The following GLG1 variants were observed in gnomAD, a reference collection of about 807,000 sequenced individuals.
GLG1 encodes Golgi apparatus protein 1.
A neutral mutation model predicts 160.5 loss-of-function variants in GLG1; 38 were observed. The observed-to-expected ratio is 0.24, with a 90% CI of 0.18 to 0.31. The LOEUF (loss-of-function observed/expected upper bound fraction) is 0.31, where lower values mean the gene tolerates loss of function less well. GLG1 is among the 10% of genes least tolerant of loss of function. The pLI is 1.00. For missense variants in GLG1, 1,373 were observed against 1,505.2 expected (o/e 0.91, Z 1.45); for synonymous variants, 644 against 543.4 (o/e 1.19, Z -2.57).
intron 1 of GLG1, among the ~76,000 whole-genome samples, chr16:74,580,286 C>A (rs891097913): frequency 2.6e-5 from 4 of 151,894 alleles, no homozygotes; most frequent in Non-Finnish European, 5.9e-5. Flanking sequence ...GAGTTTGAGA[C>A]CAGCCTGAGC....
chr16:74,518,118 T>C (rs2143540437), intron 2 of GLG1, among the ~76,000 whole-genome samples: 1 of 152,250 alleles, frequency 6.6e-6, no homozygotes, highest in South Asian at 2.1e-4. Context: ...AAAATGGCCT[T>C]ACTACCCAAA....
chr16:74,603,982 G>A (rs1205977774), intron 1 of GLG1, among the ~76,000 whole-genome samples: 4 of 148,884 alleles, frequency 2.7e-5, no homozygotes, highest in East Asian at 1.9e-4. Flanking sequence ...ATCCGAGAGC[G>A]TTAAAAAAAA....
Position 74,452,066 on chromosome 16 carries a change from C to A in GLG1, c.*1101G>T. 6.2e-7 allele frequency: 1 copy of A among 1,611,864 alleles called. No homozygotes were observed. The highest frequency in any genetic ancestry group is 1.1e-5 in the South Asian group (1 of 91,048). On this transcript the variant is annotated 3_prime_UTR_variant, in exon 26 of 26. Coordinates refer to ENST00000422840, the MANE Select transcript of GLG1 (RefSeq NM_001145667.2). ...GAGTGTGCAGAAAGGTCAGGCTGGACTGCCTGTCACATCCTGAGACCACAC... is the reference window on the plus strand; with the variant it reads ...GAGTGTGCAGAAAGGTCAGGCTGGAATGCCTGTCACATCCTGAGACCACAC...
rs993277590 is a variant in GLG1 at position 74,451,024 on chromosome 16, C to T, written c.*2143G>A. ...GAGACTGCAGAGAGGAAGGATACCC[C>T]ACCCGGTCAAACAGTGAACATCCAT... is the stretch of plus-strand genomic sequence containing the variant. On this transcript the variant is annotated 3_prime_UTR_variant, in exon 26 of 26. Transcript: ENST00000422840. 1.1e-4 allele frequency: 17 copies of T among 152,324 alleles called. 2 individuals are homozygous for T. Among genetic ancestry groups the T allele is most frequent in the East Asian group, 1.9e-4 (1 of 5,184 alleles). 9.4% of individuals were successfully genotyped at this position (152,324 alleles called of 1,614,324 possible).
chr16:74,498,302 T>G (rs2016271100), intron 4 of GLG1, among the ~76,000 whole-genome samples: 1 of 148,746 alleles, frequency 6.7e-6, no homozygotes, highest in Non-Finnish European at 1.5e-5. Context: ...TGTGGTGGTG[T>G]GCACCTGTAA....
chr16:74,547,998 G>A (rs1000307527), intron 1 of GLG1, among the ~76,000 whole-genome samples: 2 of 152,206 alleles, frequency 1.3e-5, no homozygotes, highest in Non-Finnish European at 2.9e-5. Context: ...TGGCTCAGTC[G>A]CGGCTCACTG....
At chr16:74,473,207 C>T (rs925462025) in intron 13 of GLG1, among the ~76,000 whole-genome samples, 40 of 151,666 alleles carry the variant, frequency 2.6e-4, no homozygotes, top group Admixed American at 8.5e-4. Flanking sequence ...GGTTTCTAAT[C>T]CCCCTTTTTT....
At chr16:74,480,191 T>C in intron 11 of GLG1, 50 bp downstream of exon 11, 3 of 1,478,062 alleles carry the variant, frequency 2.0e-6, no homozygotes, top group Non-Finnish European at 2.8e-6. Flanking sequence ...GCAAACAATT[T>C]AAAAAACAAA....
intron 1 of GLG1, among the ~76,000 whole-genome samples, chr16:74,590,812 G>GA (rs1187395193): frequency 2.0e-4 from 22 of 109,104 alleles, no homozygotes; most frequent in Admixed American, 3.6e-4. Flanking sequence ...AAAAAAAAAA[G>GA]AAAAAAAAAA....
intron 2 of GLG1, among the ~76,000 whole-genome samples, chr16:74,512,578 A>G (rs926527566): frequency 2.6e-5 from 4 of 151,908 alleles, no homozygotes; most frequent in African/African-American, 9.7e-5. Flanking sequence ...ATCTTAAGAC[A>G]TCCATCCATG....
At chr16:74,485,178 A>G (rs540590118) in intron 9 of GLG1, among the ~76,000 whole-genome samples, 109 of 152,318 alleles carry the variant, frequency 7.2e-4, no homozygotes, top group African/African-American at 2.5e-3. Context: ...AAGCACTACA[A>G]TTACAGGCAT....
intron 1 of GLG1, among the ~76,000 whole-genome samples, chr16:74,583,695 C>T (rs948569714): frequency 1.3e-5 from 2 of 152,024 alleles, no homozygotes; most frequent in African/African-American, 4.8e-5. Flanking sequence ...TTTGACTTCT[C>T]TTCACTTGGT....
chr16:74,527,018 C>CT (rs948905002), intron 2 of GLG1, among the ~76,000 whole-genome samples: 2 of 152,158 alleles, frequency 1.3e-5, no homozygotes, highest in African/African-American at 4.8e-5. Context: ...ATACCATTAA[C>CT]TGAACAATCA....
chr16:74,590,894 T>C (rs1958165283), intron 1 of GLG1, among the ~76,000 whole-genome samples: 2 of 149,834 alleles, frequency 1.3e-5, no homozygotes. Context: ...CTAACAAACC[T>C]ACCAAACTCA....
At chr16:74,454,903 G>C (rs1315441028) in intron 25 of GLG1, among the ~76,000 whole-genome samples, 1 of 151,326 alleles carries the variant, frequency 6.6e-6, no homozygotes, top group Non-Finnish European at 1.5e-5. Context: ...TGCAGGCCGA[G>C]ACCAGCCTGG....
intron 20 of GLG1, 177 bp downstream of exon 20, chr16:74,463,179 A>G: frequency 1.6e-6 from 1 of 610,252 alleles, no homozygotes; most frequent in Non-Finnish European, 2.8e-6. Context: ...CTCTCCCCTG[A>G]CTCTCCCTCC....
At chr16:74,457,065 A>T (rs1322862834) in intron 24 of GLG1, among the ~76,000 whole-genome samples, 1 of 152,206 alleles carries the variant, frequency 6.6e-6, no homozygotes, top group Non-Finnish European at 1.5e-5. Context: ...CACGACTTTG[A>T]GACTACATTA....
At chr16:74,566,570 T>C (rs1005075222) in intron 1 of GLG1, among the ~76,000 whole-genome samples, 2 of 152,248 alleles carry the variant, frequency 1.3e-5, no homozygotes, top group African/African-American at 4.8e-5. Context: ...ATGACTTTAA[T>C]CCAGACTACC....
At chr16:74,471,359 C>A in intron 14 of GLG1, 73 bp from the exon 15 acceptor site, 3 of 827,540 alleles carry the variant, frequency 3.6e-6, no homozygotes, top group Non-Finnish European at 6.3e-6. Flanking sequence ...CAGTCCGAAA[C>A]AAATGCAAGC....
Sources: gnomAD v4.1 joint callset for allele counts (sites outside exome capture counted in the v4.1 genomes callset) on GRCh38, gnomAD v4.1.1 for gene constraint, MANE v1.5 for transcripts, NCBI Gene and HGNC (gene_info 2026-07-23, HGNC 2026-07-21) for gene names.